Variants in HHIP observed in about 807,000 individuals in gnomAD.
The protein encoded by HHIP is hedgehog-interacting protein.
HHIP carries 12 observed loss-of-function variants against 74.0 expected under a neutral mutation model. The ratio of observed to expected loss-of-function variants is 0.16; its 90% confidence interval spans 0.10 to 0.26. HHIP has a LOEUF of 0.26. HHIP is among the 10% of genes least tolerant of loss of function. The pLI is 1.00. For synonymous variants in HHIP, 309 were observed against 311.6 expected (o/e 0.99, Z 0.09); for missense variants, 788 against 845.0 (o/e 0.93, Z 0.84).
chr4:144,709,824 T>C (rs1009972150), intron 7 of HHIP, among the ~76,000 whole-genome samples: 1 of 152,008 alleles, frequency 6.6e-6, no homozygotes, highest in Non-Finnish European at 1.5e-5. Flanking sequence ...GAGAAAAAGG[T>C]ATAGACATTT....
chr4:144,698,057 G>A (rs944473564), intron 4 of HHIP, among the ~76,000 whole-genome samples: 9 of 152,118 alleles, frequency 5.9e-5, no homozygotes, highest in Non-Finnish European at 1.2e-4. Context: ...ACCTTCAAAA[G>A]ATAAAATGCT....
At chr4:144,663,022 A>G (rs941000629) in intron 4 of HHIP, among the ~76,000 whole-genome samples, 2 of 152,180 alleles carry the variant, frequency 1.3e-5, no homozygotes, top group African/African-American at 4.8e-5. Context: ...GTGGTGTCTC[A>G]TGCCTGTAAT....
At chr4:144,651,858 C>G (rs1477650021) in intron 1 of HHIP, among the ~76,000 whole-genome samples, 1 of 151,914 alleles carries the variant, frequency 6.6e-6, no homozygotes, top group African/African-American at 2.4e-5. Flanking sequence ...TGAAGGTAAG[C>G]CATTTTTCAT....
At chr4:144,664,910 CAAT>C (rs1175735416) in intron 4 of HHIP, among the ~76,000 whole-genome samples, 4 of 152,088 alleles carry the variant, frequency 2.6e-5, no homozygotes, top group Non-Finnish European at 5.9e-5. Flanking sequence ...TGGAAATAAA[CAAT>C]AAATAAACTC....
chr4:144,696,305 G>A (rs1354530594), intron 4 of HHIP, among the ~76,000 whole-genome samples: 7 of 151,028 alleles, frequency 4.6e-5, no homozygotes, highest in Non-Finnish European at 8.9e-5. Context: ...GCCATTTACT[G>A]GCACAACACT....
Position 144,708,316 on chromosome 4 carries a change from G to C in HHIP, c.1301+5G>C. On this transcript the variant is annotated splice_donor_5th_base_variant and intron_variant, in intron 7 of 12. Coordinates refer to ENST00000296575, the MANE Select transcript of HHIP (RefSeq NM_022475.3). ...TGGGCTCCACGATCCAGGCAGGTGA[G>C]AACACAAGTCTGTCTTCTCACTGGC... 1 of 1,614,014 alleles carries C rather than the reference G, an allele frequency of 6.2e-7. No homozygotes were observed. Among genetic ancestry groups the C allele is most frequent in the Admixed American group, 1.7e-5 (1 of 60,016 alleles).
intron 2 of HHIP, among the ~76,000 whole-genome samples, chr4:144,658,081 T>A (rs1195074697): frequency 6.6e-6 from 1 of 152,112 alleles, no homozygotes; most frequent in East Asian, 1.9e-4. Context: ...TTGATTCTTG[T>A]TTGTTCATCT....
At chr4:144,658,439 G>T (rs538232688) in intron 2 of HHIP, among the ~76,000 whole-genome samples, 1 of 150,996 alleles carries the variant, frequency 6.6e-6, no homozygotes, top group Non-Finnish European at 1.5e-5. Flanking sequence ...GTGTGTTCTT[G>T]GTTCGCTCCA....
chr4:144,674,101 T>G (rs1729113498), intron 4 of HHIP, among the ~76,000 whole-genome samples: 1 of 152,208 alleles, frequency 6.6e-6, no homozygotes, highest in Non-Finnish European at 1.5e-5. Flanking sequence ...AACAATTCTC[T>G]GTTTGGAAAG....
intron 11 of HHIP, among the ~76,000 whole-genome samples, chr4:144,724,729 T>C (rs1186158869): frequency 6.7e-6 from 1 of 148,358 alleles, no homozygotes; most frequent in East Asian, 1.9e-4. Flanking sequence ...CATATATATA[T>C]ATATATCCCA....
chr4:144,660,641 C>T (rs1397983717), intron 4 of HHIP, among the ~76,000 whole-genome samples: 1 of 151,520 alleles, frequency 6.6e-6, no homozygotes, highest in South Asian at 2.1e-4. Flanking sequence ...GAAATGAACT[C>T]TTTCTTGCTT....
intron 5 of HHIP, 123 bp from the exon 6 acceptor site, chr4:144,706,962 AAT>A (rs548478070): frequency 3.7e-6 from 3 of 801,526 alleles, no homozygotes; most frequent in Non-Finnish European, 6.0e-6. Context: ...CTCCATTTCA[AAT>A]ATATGTTTCC....
At chr4:144,731,792 AAGAAGATAAAAT>A (rs1730964329) in intron 11 of HHIP, among the ~76,000 whole-genome samples, 1 of 152,204 alleles carries the variant, frequency 6.6e-6, no homozygotes. Context: ...TGAATACTTG[AAGAAGATAAAAT>A]ACATGGTGGT....
chr4:144,715,110 T>A (rs1730408586), intron 9 of HHIP, 190 bp from the exon 10 acceptor site: 2 of 491,290 alleles, frequency 4.1e-6, no homozygotes, highest in East Asian at 6.7e-5. Flanking sequence ...AATACTATCT[T>A]TAAGTACTTT....
chr4:144,711,143 A>G (rs1198090132), intron 7 of HHIP, among the ~76,000 whole-genome samples: 1 of 152,176 alleles, frequency 6.6e-6, no homozygotes, highest in East Asian at 1.9e-4. Context: ...GTCAACGTAA[A>G]AGACCTCGAT....
chr4:144,716,152 C>A (rs890866631), intron 10 of HHIP, among the ~76,000 whole-genome samples: 1 of 152,084 alleles, frequency 6.6e-6, no homozygotes, highest in Non-Finnish European at 1.5e-5. Flanking sequence ...TCAAACAAAC[C>A]TTAACTATTA....
chr4:144,711,361 T>A (rs1053491753), intron 7 of HHIP, among the ~76,000 whole-genome samples: 8 of 152,156 alleles, frequency 5.3e-5, no homozygotes, highest in Admixed American at 2.0e-4. Flanking sequence ...CTGGGATACA[T>A]GTGCTGAACT....
At chr4:144,703,777 G>A (rs1183138857) in intron 4 of HHIP, among the ~76,000 whole-genome samples, 1 of 152,180 alleles carries the variant, frequency 6.6e-6, no homozygotes, top group Non-Finnish European at 1.5e-5. Context: ...CGGTGTCCTG[G>A]TGAAGACTAC....
chr4:144,734,609 G>T, intron 11 of HHIP, 132 bp from the exon 12 acceptor site: 2 of 580,212 alleles, frequency 3.4e-6, no homozygotes, highest in Non-Finnish European at 5.5e-6. Flanking sequence ...AAATCTGACT[G>T]AGTCACTTAA....
Sources: allele counts gnomAD v4.1 joint callset (sites outside exome capture counted in the v4.1 genomes callset), GRCh38; gene constraint gnomAD v4.1.1; transcripts MANE v1.5; gene names NCBI Gene and HGNC (gene_info 2026-07-23, HGNC 2026-07-21).